The following NCOA7 variants were observed in gnomAD, a reference collection of about 807,000 sequenced individuals.
NCOA7 encodes nuclear receptor coactivator 7, also known as 140 kDa estrogen receptor-associated protein.
NCOA7 carries 45 observed loss-of-function variants against 104.3 expected under a neutral mutation model. The ratio of observed to expected loss-of-function variants is 0.43; its 90% confidence interval spans 0.34 to 0.55. NCOA7 has a LOEUF of 0.55. NCOA7 is among the 20% of genes least tolerant of loss of function. The pLI is 0.02. For synonymous variants in NCOA7, 398 were observed against 402.3 expected (o/e 0.99, Z 0.13); for missense variants, 1,041 against 1,119.7 (o/e 0.93, Z 1.00).
At position 125,873,326 on chromosome 6, in the gene NCOA7, A is replaced by G. The variant is rs76531505; in HGVS notation, c.272-1563A>G. Among the ~76,000 whole-genome samples, 1,466 of 152,080 alleles carry G rather than the reference A, an allele frequency of 9.6e-3. 7 individuals are homozygous for G. The highest frequency in any genetic ancestry group is 0.018 in the Non-Finnish European group (1,208 of 67,982). ...TTCTTCCCCCACTTCACACTATTCT[A>G]TTGTGTTCAATGTATATAGGTTTTT... On this transcript the variant is annotated intron_variant, in intron 3 of 15. Coordinates refer to ENST00000392477, the MANE Select transcript of NCOA7 (RefSeq NM_181782.5).
At chr6:125,799,649 T>G (rs1775702293) in intron 1 of NCOA7, among the ~76,000 whole-genome samples, 1 of 151,924 alleles carries the variant, frequency 6.6e-6, no homozygotes, top group African/African-American at 2.4e-5. Context: ...ACCTGGTTGG[T>G]CAGGCTGGTC....
intron 8 of NCOA7, among the ~76,000 whole-genome samples, chr6:125,888,261 T>C (rs1459405117): frequency 6.6e-6 from 1 of 152,242 alleles, no homozygotes; most frequent in Non-Finnish European, 1.5e-5. Flanking sequence ...AAGAGCTTTT[T>C]AGATAAGATT....
chr6:125,858,398 T>C (rs1781766681), intron 3 of NCOA7, among the ~76,000 whole-genome samples: 1 of 152,058 alleles, frequency 6.6e-6, no homozygotes. Context: ...CCCAGCACTT[T>C]GGGAGGCTAA....
intron 2 of NCOA7, among the ~76,000 whole-genome samples, chr6:125,832,889 A>G (rs1779302732): frequency 6.6e-6 from 1 of 152,212 alleles, no homozygotes; most frequent in Non-Finnish European, 1.5e-5. Flanking sequence ...TCTGTGGGAC[A>G]TCGCCACACT....
intron 11 of NCOA7, among the ~76,000 whole-genome samples, chr6:125,920,228 T>G (rs1787453862): frequency 6.6e-6 from 1 of 152,254 alleles, no homozygotes; most frequent in Non-Finnish European, 1.5e-5. Context: ...AGTTGTAATT[T>G]AGACTAAAGC....
At chr6:125,872,616 C>G (rs1783028072) in intron 3 of NCOA7, among the ~76,000 whole-genome samples, 1 of 152,206 alleles carries the variant, frequency 6.6e-6, no homozygotes, top group Non-Finnish European at 1.5e-5. Flanking sequence ...GGGTATTCAT[C>G]TACCACATAA....
intron 1 of NCOA7, among the ~76,000 whole-genome samples, chr6:125,809,597 A>T (rs1776781832): frequency 6.6e-6 from 1 of 152,084 alleles, no homozygotes; most frequent in African/African-American, 2.4e-5. Context: ...AAATTTGAAT[A>T]TTTTTGCTTT....
intron 5 of NCOA7, among the ~76,000 whole-genome samples, chr6:125,879,452 A>G (rs778944055): frequency 6.6e-6 from 1 of 152,166 alleles, no homozygotes; most frequent in Non-Finnish European, 1.5e-5. Flanking sequence ...CCACTTCTTA[A>G]TGAGTGGTTA....
At chr6:125,831,875 G>A (rs975560594) in intron 2 of NCOA7, among the ~76,000 whole-genome samples, 3 of 151,978 alleles carry the variant, frequency 2.0e-5, no homozygotes, top group East Asian at 3.8e-4. Flanking sequence ...TTTTGCTTTC[G>A]TTTGAGCTCT....
chr6:125,913,986 GAC>G (rs1173796243), intron 10 of NCOA7, among the ~76,000 whole-genome samples: 1 of 152,220 alleles, frequency 6.6e-6, no homozygotes, highest in Non-Finnish European at 1.5e-5. Context: ...TGAAACTTAA[GAC>G]ACAAACTGCA....
At chr6:125,895,392 T>G (rs1217938260) in intron 10 of NCOA7, among the ~76,000 whole-genome samples, 2 of 152,100 alleles carry the variant, frequency 1.3e-5, no homozygotes, top group Non-Finnish European at 2.9e-5. Context: ...TATTTTTGTT[T>G]AACTTGAAAA....
At chr6:125,796,605 A>C (rs188891855) in intron 1 of NCOA7, 2 of 151,948 alleles carry the variant, frequency 1.3e-5, no homozygotes, top group African/African-American at 4.8e-5. Flanking sequence ...CAAGGAAAAA[A>C]GTCTGTACAT....
chr6:125,782,320 C>A (rs1774263931), intron 1 of NCOA7, among the ~76,000 whole-genome samples: 2 of 151,764 alleles, frequency 1.3e-5, no homozygotes, highest in Middle Eastern at 6.8e-3. Context: ...TTTTTGGAAC[C>A]ATTTGGGGTT....
chr6:125,804,943 A>C (rs1776294697), intron 1 of NCOA7, among the ~76,000 whole-genome samples: 1 of 152,106 alleles, frequency 6.6e-6, no homozygotes, highest in Non-Finnish European at 1.5e-5. Flanking sequence ...TTAAAAACCT[A>C]CTCAGTGCAA....
At chr6:125,801,946 C>G (rs888399653) in intron 1 of NCOA7, among the ~76,000 whole-genome samples, 1 of 152,078 alleles carries the variant, frequency 6.6e-6, no homozygotes, top group African/African-American at 2.4e-5. Flanking sequence ...TAATATCAAC[C>G]ATTACGTATA....
At chr6:125,803,783 A>T (rs558182530) in intron 1 of NCOA7, among the ~76,000 whole-genome samples, 1 of 152,296 alleles carries the variant, frequency 6.6e-6, no homozygotes, top group African/African-American at 2.4e-5. Context: ...TTTGCTATTT[A>T]TATACTGTAT....
intron 9 of NCOA7, 51 bp from the exon 10 acceptor site, chr6:125,890,591 T>C (rs1415735556): frequency 4.0e-6 from 6 of 1,518,038 alleles, no homozygotes; most frequent in Non-Finnish European, 4.4e-6. Flanking sequence ...AAAATTCTGC[T>C]ATTACCAATA....
chr6:125,807,576 A>G (rs1145985), intron 1 of NCOA7, among the ~76,000 whole-genome samples: 1 of 152,158 alleles, frequency 6.6e-6, no homozygotes, highest in African/African-American at 2.4e-5. Context: ...CCAGTAAAAC[A>G]TCAGATTCAT....
intron 1 of NCOA7, among the ~76,000 whole-genome samples, chr6:125,785,174 C>A (rs1027593556): frequency 7.2e-5 from 11 of 152,104 alleles, no homozygotes; most frequent in Non-Finnish European, 5.9e-5. Context: ...CCCGTCTCTA[C>A]TAAAAATATA....
Sources: gnomAD v4.1 joint callset for allele counts (sites outside exome capture counted in the v4.1 genomes callset) on GRCh38, gnomAD v4.1.1 for gene constraint, MANE v1.5 for transcripts, NCBI Gene and HGNC (gene_info 2026-07-23, HGNC 2026-07-21) for gene names.